TNS3: variants seen among roughly 807,000 people sequenced by gnomAD.
TNS3 encodes the protein tensin-3.
Under a neutral mutation model 140.9 loss-of-function variants are expected in TNS3, and 45 were observed. The ratio of observed to expected loss-of-function variants is 0.32; its 90% CI spans 0.25 to 0.41. The LOEUF is 0.41. TNS3 is among the 10% of genes least tolerant of loss of function. The pLI is 1.00. For missense variants in TNS3, 1,716 were observed against 1,906.7 expected, an observed-to-expected ratio of 0.90 and a Z score of 1.86; for synonymous variants, 815 against 788.4, an observed-to-expected ratio of 1.03 and a Z score of -0.56.
At chr7:47,536,208 C>A (rs1799591479) in intron 1 of TNS3, among the ~76,000 whole-genome samples, 1 of 152,224 alleles carries the variant, frequency 6.6e-6, no homozygotes, top group African/African-American at 2.4e-5. Flanking sequence ...AGTTAACCAG[C>A]TGAAATTTTG....
intron 13 of TNS3, among the ~76,000 whole-genome samples, chr7:47,406,429 C>G (rs1392855883): frequency 6.6e-6 from 1 of 152,150 alleles, no homozygotes; most frequent in Non-Finnish European, 1.5e-5. Flanking sequence ...TGAACTTGAC[C>G]ACTGTGATCT....
At chr7:47,513,221 G>A (rs1460898177) in intron 2 of TNS3, among the ~76,000 whole-genome samples, 2 of 152,090 alleles carry the variant, frequency 1.3e-5, no homozygotes, top group African/African-American at 4.8e-5. Flanking sequence ...CCAGGCTGGA[G>A]TGCAGTGGCA....
chr7:47,487,356 C>T (rs145554818), intron 3 of TNS3, among the ~76,000 whole-genome samples: 61 of 152,206 alleles, frequency 4.0e-4, no homozygotes, highest in Admixed American at 1.6e-3. Flanking sequence ...TTTACACACC[C>T]GGCAGCTACA....
intron 16 of TNS3, among the ~76,000 whole-genome samples, chr7:47,370,137 G>A (rs537796738): frequency 1.3e-4 from 20 of 152,198 alleles, no homozygotes; most frequent in Non-Finnish European, 2.6e-4. Flanking sequence ...TTAGCTGGGC[G>A]TGGTGGCGCA....
chr7:47,523,190 G>T (rs1405871913), intron 2 of TNS3, among the ~76,000 whole-genome samples: 1 of 152,060 alleles, frequency 6.6e-6, no homozygotes. Context: ...AGGTGTGAGG[G>T]AGCTTTCTAG....
chr7:47,336,655 A>C (rs1050059411), intron 20 of TNS3, among the ~76,000 whole-genome samples: 1 of 152,160 alleles, frequency 6.6e-6, no homozygotes, highest in East Asian at 1.9e-4. Flanking sequence ...AAGTGCCCAT[A>C]ATACCCTGTT....
At chr7:47,333,201 A>G (rs1788439914) in intron 20 of TNS3, among the ~76,000 whole-genome samples, 1 of 152,084 alleles carries the variant, frequency 6.6e-6, no homozygotes, top group Admixed American at 6.5e-5. Flanking sequence ...CTTTAGGCTG[A>G]CCTCCACGAA....
chr7:47,297,513 C>T (rs76024492), intron 23 of TNS3, among the ~76,000 whole-genome samples: 7 of 152,154 alleles, frequency 4.6e-5, no homozygotes, highest in African/African-American at 1.7e-4. Flanking sequence ...GTCCTGTGGG[C>T]TGCCCATGGA....
chr7:47,351,766 C>T (rs916287381), intron 17 of TNS3, among the ~76,000 whole-genome samples: 9 of 152,152 alleles, frequency 5.9e-5, no homozygotes, highest in South Asian at 4.1e-4. Flanking sequence ...GGTGCAACAG[C>T]GAGCAGGAAC....
intron 28 of TNS3, among the ~76,000 whole-genome samples, chr7:47,283,341 C>T (rs990128233): frequency 6.6e-6 from 1 of 152,194 alleles, no homozygotes; most frequent in Non-Finnish European, 1.5e-5. Flanking sequence ...CAATAGGTTC[C>T]AAGATCATTG....
At position 47,557,565 on chromosome 7, in the gene TNS3, G is replaced by A. The variant is rs935520062; in HGVS notation, c.-265+24486C>T. ...AACAACCAGGTAAAGCACCCATATG[G>A]GTAAATAACTGAAGGTTTTATGGGA... On this transcript the variant is annotated intron_variant, in intron 1 of 30. Coordinates refer to ENST00000311160, the MANE Select transcript of TNS3 (RefSeq NM_022748.12). Among the ~76,000 whole-genome samples the A allele has an allele frequency of 3.3e-5, 5 of 152,316 alleles. 1 individual carries two copies. Among genetic ancestry groups the A allele is most frequent in the African/African-American group, 1.2e-4 (5 of 41,578 alleles).
chr7:47,319,072 A>T (rs1271120306), intron 20 of TNS3, among the ~76,000 whole-genome samples: 1 of 152,240 alleles, frequency 6.6e-6, no homozygotes, highest in East Asian at 1.9e-4. Flanking sequence ...CAACAGCTGA[A>T]GTCCCGAGGA....
At chr7:47,511,713 C>T (rs1006211299) in intron 2 of TNS3, among the ~76,000 whole-genome samples, 4 of 152,182 alleles carry the variant, frequency 2.6e-5, no homozygotes, top group South Asian at 4.2e-4. Flanking sequence ...GGGCTTCTGG[C>T]GAAGGCCTTC....
At chr7:47,449,537 A>G (rs1795916228) in intron 4 of TNS3, among the ~76,000 whole-genome samples, 1 of 152,118 alleles carries the variant, frequency 6.6e-6, no homozygotes, top group South Asian at 2.1e-4. Context: ...AACTTCCAGC[A>G]AAGCATAATC....
At chr7:47,326,587 G>T (rs2150883851) in intron 20 of TNS3, among the ~76,000 whole-genome samples, 1 of 152,014 alleles carries the variant, frequency 6.6e-6, no homozygotes, top group East Asian at 2.0e-4. Flanking sequence ...GCTCCCCACG[G>T]GCCACCATGG....
At chr7:47,376,726 G>GACACACACACACACAC (rs148067728) in intron 16 of TNS3, among the ~76,000 whole-genome samples, 20,970 of 144,052 alleles carry the variant, frequency 0.15, 1,763 homozygotes, top group Non-Finnish European at 0.19. Flanking sequence ...TCTAGATCAA[G>GACACACACACACACAC]ACACACACAC....
intron 24 of TNS3, among the ~76,000 whole-genome samples, chr7:47,295,367 C>T (rs1785949149): frequency 6.6e-6 from 1 of 152,140 alleles, no homozygotes; most frequent in African/African-American, 2.4e-5. Context: ...TCCATCATTC[C>T]TCCTCTCCCA....
At chr7:47,507,017 C>A (rs10236000) in intron 2 of TNS3, 73 bp from the exon 3 acceptor site, 13,545 of 1,199,892 alleles carry the variant, frequency 0.011, 120 homozygotes, top group Non-Finnish European at 0.014. Flanking sequence ...TCTTCAAACC[C>A]TCTCAATCCT....
At chr7:47,379,702 G>A (rs17523891) in intron 16 of TNS3, among the ~76,000 whole-genome samples, 26,527 of 152,078 alleles carry the variant, frequency 0.17, 2,704 homozygotes, top group Non-Finnish European at 0.22. Context: ...CTCCCTTGGT[G>A]CATCAGTCTC....
Sources: allele counts gnomAD v4.1 joint callset (sites outside exome capture counted in the v4.1 genomes callset), GRCh38; gene constraint gnomAD v4.1.1; transcripts MANE v1.5; gene names NCBI Gene and HGNC (gene_info 2026-07-23, HGNC 2026-07-21).